Variants in RPS6KC1 observed in about 807,000 individuals in gnomAD.
The protein encoded by RPS6KC1 is inactive ribosomal protein S6 kinase delta-1.
A neutral mutation model predicts 103.8 loss-of-function variants in RPS6KC1; 54 were observed. That is an observed-to-expected ratio of 0.52 (90% CI 0.42 to 0.65). The LOEUF (loss-of-function observed/expected upper bound fraction) is 0.65, where lower values mean the gene tolerates loss of function less well. Ranked by LOEUF, RPS6KC1 falls within the 30% of genes least tolerant of loss-of-function variation. RPS6KC1 has a pLI of 0.00. For missense variants in RPS6KC1, 1,151 were observed against 1,253.8 expected (o/e 0.92, Z 1.24); for synonymous variants, 439 against 438.7 (o/e 1.00, Z -0.01).
At chr1:213,306,407 A>G in the RPS6KC1 span, among the ~76,000 whole-genome samples, 8 of 152,256 alleles carry the variant, frequency 5.3e-5, no homozygotes, top group Non-Finnish European at 1.2e-4. Flanking sequence ...AATATATGCA[A>G]GCAGCATTGA....
At chr1:213,139,773 G>C (rs2086797007) in intron 6 of RPS6KC1, among the ~76,000 whole-genome samples, 1 of 152,018 alleles carries the variant, frequency 6.6e-6, no homozygotes, top group Non-Finnish European at 1.5e-5. Flanking sequence ...AAGTTGGGTA[G>C]TGTGATGCCT....
the RPS6KC1 span, among the ~76,000 whole-genome samples, chr1:213,650,904 A>G: frequency 6.6e-6 from 1 of 150,530 alleles, no homozygotes; most frequent in Non-Finnish European, 1.5e-5. Flanking sequence ...TTCATTAACA[A>G]ATTTTTCATG....
intron 5 of RPS6KC1, among the ~76,000 whole-genome samples, chr1:213,122,271 C>G (rs1313486085): frequency 1.3e-5 from 2 of 151,940 alleles, no homozygotes; most frequent in Non-Finnish European, 2.9e-5. Flanking sequence ...TGTAGACAGA[C>G]ATGAAGATTG....
At chr1:213,412,807 C>T in the RPS6KC1 span, among the ~76,000 whole-genome samples, 3 of 152,228 alleles carry the variant, frequency 2.0e-5, no homozygotes, top group African/African-American at 7.2e-5. Flanking sequence ...TTCCCATTGC[C>T]TCTGTGAGCT....
chr1:213,804,392 G>A, the RPS6KC1 span, among the ~76,000 whole-genome samples: 735 of 151,536 alleles, frequency 4.9e-3, 1 homozygote, highest in African/African-American at 0.016. Context: ...AGCTTCCAAG[G>A]CCTCCTTTCT....
At chr1:213,834,957 G>A in the RPS6KC1 span, among the ~76,000 whole-genome samples, 286 of 152,304 alleles carry the variant, frequency 1.9e-3, no homozygotes, top group African/African-American at 6.7e-3. Flanking sequence ...GGAGGTGGGG[G>A]AGAGGGAAAT....
chr1:213,788,466 C>T, the RPS6KC1 span, among the ~76,000 whole-genome samples: 4 of 152,114 alleles, frequency 2.6e-5, no homozygotes, highest in Admixed American at 1.3e-4. Flanking sequence ...TTCTATCATG[C>T]GTTTCTTCTA....
the RPS6KC1 span, among the ~76,000 whole-genome samples, chr1:213,428,030 A>C: frequency 6.6e-6 from 1 of 151,940 alleles, no homozygotes; most frequent in Non-Finnish European, 1.5e-5. Flanking sequence ...CTTCTGTTAT[A>C]CTCTGAGAAG....
chr1:213,346,528 G>C, the RPS6KC1 span, among the ~76,000 whole-genome samples: 1 of 152,234 alleles, frequency 6.6e-6, no homozygotes, highest in Admixed American at 6.5e-5. Context: ...CATAAAGACA[G>C]AAAGTAGAAT....
chr1:213,659,628 G>T, the RPS6KC1 span, among the ~76,000 whole-genome samples: 4 of 149,324 alleles, frequency 2.7e-5, no homozygotes, highest in Non-Finnish European at 4.4e-5. Flanking sequence ...AATTTCTCTT[G>T]TATTCAGGGT....
At chr1:213,533,458 AG>A in the RPS6KC1 span, among the ~76,000 whole-genome samples, 2,499 of 152,284 alleles carry the variant, frequency 0.016, 81 homozygotes, top group African/African-American at 0.058. Context: ...CTTGTGATCT[AG>A]GCCATTCCTG....
At chr1:213,500,858 AAAAC>A in the RPS6KC1 span, among the ~76,000 whole-genome samples, 5,512 of 152,300 alleles carry the variant, frequency 0.036, 148 homozygotes, top group Middle Eastern at 0.054. Context: ...GTCTATATGT[AAAAC>A]AAACAAATTA....
chr1:213,307,340 C>T, the RPS6KC1 span, among the ~76,000 whole-genome samples: 5 of 152,076 alleles, frequency 3.3e-5, no homozygotes, highest in African/African-American at 9.7e-5. Flanking sequence ...CGTGAGTCGC[C>T]GCGCCTGGCC....
the RPS6KC1 span, among the ~76,000 whole-genome samples, chr1:213,356,121 T>C: frequency 1.3e-5 from 2 of 152,224 alleles, no homozygotes; most frequent in Non-Finnish European, 2.9e-5. Context: ...CTGAATTCTT[T>C]GAGCTTACAG....
chr1:213,397,255 C>T, the RPS6KC1 span, among the ~76,000 whole-genome samples: 367 of 152,146 alleles, frequency 2.4e-3, 2 homozygotes, highest in African/African-American at 8.3e-3. Context: ...CAGAAGACTA[C>T]CCTTACTCTT....
At chr1:213,215,319 G>T (rs533667260) in intron 8 of RPS6KC1, among the ~76,000 whole-genome samples, 21 of 152,276 alleles carry the variant, frequency 1.4e-4, no homozygotes, top group African/African-American at 4.1e-4. Context: ...GAGAAGAGAA[G>T]TTTAGAGAAA....
chr1:213,289,516 G>C, the RPS6KC1 span, among the ~76,000 whole-genome samples: 120 of 152,276 alleles, frequency 7.9e-4, 1 homozygote, highest in African/African-American at 2.6e-3. Flanking sequence ...TCCAAATTGA[G>C]TGGAAAGGCA....
chr1:213,823,394 T>C, the RPS6KC1 span, among the ~76,000 whole-genome samples: 42 of 152,166 alleles, frequency 2.8e-4, no homozygotes, highest in South Asian at 8.3e-3. Flanking sequence ...TCAAAAAGTG[T>C]TTAAGTGAAT....
chr1:213,381,958 T>C, the RPS6KC1 span, among the ~76,000 whole-genome samples: 1 of 152,126 alleles, frequency 6.6e-6, no homozygotes, highest in African/African-American at 2.4e-5. Context: ...CAGACTGGTT[T>C]TGCATCAGTC....
Sources: gnomAD v4.1 joint callset for allele counts (sites outside exome capture counted in the v4.1 genomes callset) on GRCh38, gnomAD v4.1.1 for gene constraint, MANE v1.5 for transcripts, NCBI Gene and HGNC (gene_info 2026-07-23, HGNC 2026-07-21) for gene names.